Variants in POLR2F observed in about 807,000 individuals in gnomAD.
POLR2F encodes RNA polymerase II, I and III subunit F.
In POLR2F, 12 loss-of-function variants were observed where a neutral mutation model predicts 22.7. The observed-to-expected ratio is 0.53, with a 90% CI of 0.34 to 0.86. The LOEUF is 0.86. Ranked by LOEUF, POLR2F falls within the 40% of genes least tolerant of loss-of-function variation. The probability of loss-of-function intolerance (pLI) is 0.02; values close to 1 mark genes in which losing one functional copy is unlikely to be tolerated. For missense variants in POLR2F, 126 were observed against 171.5 expected, an observed-to-expected ratio of 0.73 and a Z score of 1.48; for synonymous variants, 57 against 66.0, an observed-to-expected ratio of 0.86 and a Z score of 0.66.
upstream of POLR2F, chr22:37,983,505 C>T (rs1932467025): frequency 1.2e-6 from 2 of 1,610,446 alleles, no homozygotes; most frequent in South Asian, 1.1e-5. This position sits in a 1 kb window ranked among gnomAD's most constrained non-coding sequence, Gnocchi z 9.5. Context: ...GCGCCGTTGA[C>T]GCGCACGGGC....
chr22:38,037,602 T>C (rs886349307), intron 5 of POLR2F, among the ~76,000 whole-genome samples: 1 of 150,512 alleles, frequency 6.6e-6, no homozygotes, highest in Non-Finnish European at 1.5e-5. Context: ...TCTCCTTTTT[T>C]TTTTTTTTGA....
chr22:37,989,299 G>T (rs1402415235), intron 1 of POLR2F, among the ~76,000 whole-genome samples: 1 of 152,202 alleles, frequency 6.6e-6, no homozygotes, highest in African/African-American at 2.4e-5. Context: ...CCCCTACCTA[G>T]CATAGTGACT....
intron 1 of POLR2F, among the ~76,000 whole-genome samples, chr22:37,995,803 TTA>T (rs1365678505): frequency 6.6e-6 from 1 of 151,248 alleles, no homozygotes; most frequent in Non-Finnish European, 1.5e-5. Flanking sequence ...TTTCTACTTG[TTA>T]TCATGGCGAA....
At chr22:37,983,335 CG>C (rs776430557), upstream of POLR2F, 5 of 1,595,902 alleles carry the variant, frequency 3.1e-6, no homozygotes, top group East Asian at 2.3e-5. This position sits in a 1 kb window ranked among gnomAD's most constrained non-coding sequence, Gnocchi z 9.5. Context: ...GGCCCGAGCC[CG>C]GGGGGCGGTC....
Position 37,953,763 on chromosome 22 carries a change from G to T in POLR2F, c.-25G>T. 1 of 1,606,048 alleles carries T rather than the reference G, an allele frequency of 6.2e-7. No individual in the cohort carries two copies. Among genetic ancestry groups the T allele is most frequent in the South Asian group, 1.1e-5 (1 of 89,840 alleles). ...GGTCTCCGCGCGGGACCGGGGCGCA[G>T]CGGGGTCGCTGAGGCGAGGGTGTCA... On this transcript the variant is annotated 5_prime_UTR_variant, in exon 1 of 5. Transcript: ENST00000442738.
chr22:38,005,212 A>G (rs2084810207), intron 1 of POLR2F, among the ~76,000 whole-genome samples: 1 of 152,188 alleles, frequency 6.6e-6, no homozygotes, highest in Admixed American at 6.5e-5. Context: ...GGGTGTTATT[A>G]CCACCTATTT....
intron 1 of POLR2F, among the ~76,000 whole-genome samples, chr22:38,011,884 T>G (rs376102282): frequency 6.6e-6 from 1 of 152,070 alleles, no homozygotes; most frequent in Non-Finnish European, 1.5e-5. Context: ...GTTTAGTTTT[T>G]TTGATCCATG....
chr22:38,024,398 G>T (rs552100959), intron 1 of POLR2F, among the ~76,000 whole-genome samples: 2 of 152,178 alleles, frequency 1.3e-5, no homozygotes, highest in African/African-American at 4.8e-5. Context: ...CTATGAATAC[G>T]TGTGGTCACA....
Position 37,968,581 on chromosome 22 carries a change from C to T in POLR2F, c.*866C>T, listed in dbSNP as rs1371764231. 4 of 985,592 alleles carry T rather than the reference C, an allele frequency of 4.1e-6. No individual in the cohort carries two copies. The highest frequency in any genetic ancestry group is 3.5e-5 in the African/African-American group (2 of 57,242). 61.1% of individuals were successfully genotyped at this position (985,592 alleles called of 1,614,324 possible). A position where few individuals can be genotyped will look rare whatever the true frequency, so the allele number is the denominator to read the frequency against. ...TCTGCCTGAGGTTCTAATGGGTCCTCTTCCTTTCTCCACCCTGCTTACCCA... is the reference window on the plus strand; with the variant it reads ...TCTGCCTGAGGTTCTAATGGGTCCTTTTCCTTTCTCCACCCTGCTTACCCA... On this transcript the variant is annotated 3_prime_UTR_variant, in exon 5 of 5. Transcript: ENST00000442738.
intron 1 of POLR2F, among the ~76,000 whole-genome samples, chr22:38,006,143 GGCTGCAGTGA>G (rs1176476918): frequency 2.6e-5 from 4 of 152,108 alleles, no homozygotes; most frequent in Non-Finnish European, 5.9e-5. Context: ...AGGAGGTAGA[GGCTGCAGTGA>G]GCCATGATGG....
chr22:38,015,397 C>T (rs1033070065), intron 1 of POLR2F, among the ~76,000 whole-genome samples: 6 of 152,070 alleles, frequency 3.9e-5, no homozygotes, highest in South Asian at 4.1e-4. Context: ...TGTCTTCCTT[C>T]GTCTAGTTTG....
At chr22:38,022,357 G>A (rs1028432380) in intron 1 of POLR2F, among the ~76,000 whole-genome samples, 1 of 151,792 alleles carries the variant, frequency 6.6e-6, no homozygotes, top group Non-Finnish European at 1.5e-5. Flanking sequence ...TTCGAGACCA[G>A]CCTGACCAAC....
intron 1 of POLR2F, among the ~76,000 whole-genome samples, chr22:38,014,577 C>T (rs558677596): frequency 6.6e-6 from 1 of 150,790 alleles, no homozygotes; most frequent in African/African-American, 2.4e-5. Context: ...ACTGTAACCA[C>T]TGCCTCCCGG....
rs963795728 is a variant in POLR2F at position 37,953,717 on chromosome 22, G to C, written c.-71G>C. 3 of 1,560,184 alleles carry C rather than the reference G, an allele frequency of 1.9e-6. No individual in the cohort carries two copies. The highest frequency in any genetic ancestry group is 2.6e-6 in the Non-Finnish European group (3 of 1,152,556). On this transcript the variant is annotated 5_prime_UTR_variant, in exon 1 of 5. Coordinates refer to ENST00000442738, the MANE Select transcript of POLR2F (RefSeq NM_021974.5). ...GCAAGATAAGCTAGGAGCCGCGCGA[G>C]TCGTAGTGTCGCTGTTTGCGGGTCT...
At chr22:37,975,474 ATG>A (rs138654432) in intron 4 of POLR2F, among the ~76,000 whole-genome samples, 1 of 151,674 alleles carries the variant, frequency 6.6e-6, no homozygotes, top group African/African-American at 2.4e-5. Context: ...GGGTCTCCTG[ATG>A]TGTGTGTGTG....
downstream of POLR2F, among the ~76,000 whole-genome samples, chr22:38,031,670 G>A (rs1031693599): frequency 3.3e-5 from 5 of 152,200 alleles, no homozygotes; most frequent in South Asian, 2.1e-4. The surrounding 1 kb of genome is among the most constrained non-coding windows in gnomAD (Gnocchi z 4.1). Context: ...ACTTCCTCAC[G>A]TGTGACCCTG....
chr22:37,973,936 C>T, downstream of POLR2F: 1 of 1,610,576 alleles, frequency 6.2e-7, no homozygotes, highest in Non-Finnish European at 8.5e-7. Context: ...GGGCACTGCC[C>T]AGCCCATAGC....
At chr22:37,966,611 C>T (rs1423178905) in intron 3 of POLR2F, among the ~76,000 whole-genome samples, 1 of 151,888 alleles carries the variant, frequency 6.6e-6, no homozygotes, top group Non-Finnish European at 1.5e-5. Flanking sequence ...TAATTTCACC[C>T]ATCTATACAA....
At chr22:37,999,587 T>C (rs1216386146) in intron 1 of POLR2F, among the ~76,000 whole-genome samples, 1 of 152,074 alleles carries the variant, frequency 6.6e-6, no homozygotes, top group Non-Finnish European at 1.5e-5. Flanking sequence ...CTGACACCCC[T>C]TCCCCTCCCC....
Sources: allele counts gnomAD v4.1 joint callset (sites outside exome capture counted in the v4.1 genomes callset), GRCh38; gene constraint gnomAD v4.1.1; non-coding constraint Gnocchi (gnomAD v3.1); transcripts MANE v1.5; gene names NCBI Gene and HGNC (gene_info 2026-07-23, HGNC 2026-07-21).